Variants in SERGEF observed in about 807,000 individuals in gnomAD.
SERGEF encodes secretion regulating guanine nucleotide exchange factor, also known as secretion-regulating guanine nucleotide exchange factor.
SERGEF carries 51 observed loss-of-function variants against 50.0 expected under a neutral mutation model. The observed-to-expected ratio is 1.02, with a 90% CI of 0.81 to 1.29. SERGEF has a LOEUF of 1.29. SERGEF is among the 50% of genes most tolerant of loss of function. The pLI is 0.00. For missense variants in SERGEF, 521 were observed against 557.0 expected (o/e 0.94, Z 0.65); for synonymous variants, 205 against 212.4 (o/e 0.97, Z 0.30).
At chr11:17,982,884 C>T (rs1340660131) in intron 8 of SERGEF, among the ~76,000 whole-genome samples, 2 of 152,076 alleles carry the variant, frequency 1.3e-5, no homozygotes, top group East Asian at 1.9e-4. Context: ...CAAGAGGACA[C>T]CGATGGAAGG....
In SERGEF at chr11:17,878,227, C is replaced by G; in HGVS notation, c.1029G>C (p.Glu343Asp). ...TGATEVSCGSEHNLAIIGGVC... is the reference protein window; with the variant it reads ...TGATEVSCGSDHNLAIIGGVC... ...ACTTACCAATTATTGCCAAATTATG[C>G]TCTGAGCCACAAGAGACCTGTAAAA... Residue 343 changes from glutamate to aspartate, a missense_variant, in exon 10 of 11, where the codon GAG becomes GAC. By Grantham distance (45) the Glu-to-Asp change is conservative. Transcript: ENST00000265965. 6 of 1,579,140 alleles carry G rather than the reference C, an allele frequency of 3.8e-6. No homozygotes were observed. Among genetic ancestry groups the G allele is most frequent in the Non-Finnish European group, 5.2e-6 (6 of 1,154,890 alleles).
At chr11:17,813,080 C>G (rs367759339) in intron 10 of SERGEF, among the ~76,000 whole-genome samples, 6 of 152,342 alleles carry the variant, frequency 3.9e-5, no homozygotes, top group Non-Finnish European at 2.9e-5. Context: ...ATCCTGGATT[C>G]AGTCCCAGCC....
At chr11:17,913,756 C>G (rs1192802630) in intron 9 of SERGEF, among the ~76,000 whole-genome samples, 1 of 152,150 alleles carries the variant, frequency 6.6e-6, no homozygotes, top group Non-Finnish European at 1.5e-5. Flanking sequence ...GAAAAGAGAC[C>G]TGTGGCTGCA....
chr11:17,977,423 T>A (rs1158468623), intron 8 of SERGEF, among the ~76,000 whole-genome samples: 2 of 152,064 alleles, frequency 1.3e-5, no homozygotes, highest in African/African-American at 2.4e-5. Context: ...GGGAAAGGTA[T>A]TTAACCATTT....
chr11:18,007,238 C>A (rs1012693129), intron 2 of SERGEF, among the ~76,000 whole-genome samples: 3 of 152,144 alleles, frequency 2.0e-5, no homozygotes, highest in Admixed American at 6.5e-5. Context: ...TTTATACCAA[C>A]ACAGTTGTAA....
intron 10 of SERGEF, chr11:17,853,684 T>G (rs1455720280): frequency 6.6e-6 from 1 of 152,094 alleles, no homozygotes; most frequent in Non-Finnish European, 1.5e-5. Flanking sequence ...CTAAGGTGAG[T>G]TCGTCCCTAT....
intron 8 of SERGEF, among the ~76,000 whole-genome samples, chr11:17,987,878 A>G (rs985617576): frequency 6.6e-6 from 1 of 152,198 alleles, no homozygotes; most frequent in Admixed American, 6.5e-5. Flanking sequence ...TGACATGATA[A>G]CAGATCTTGG....
intron 8 of SERGEF, among the ~76,000 whole-genome samples, chr11:17,980,880 A>T (rs1411145336): frequency 6.6e-6 from 1 of 152,224 alleles, no homozygotes; most frequent in African/African-American, 2.4e-5. Context: ...TTTTTATAGG[A>T]TAGAATTTCA....
At chr11:17,870,287 T>C (rs892927792) in intron 10 of SERGEF, among the ~76,000 whole-genome samples, 2 of 152,320 alleles carry the variant, frequency 1.3e-5, no homozygotes, top group Non-Finnish European at 2.9e-5. Context: ...AATGTACTAA[T>C]ACAGGGAGAT....
chr11:17,948,987 C>A (rs1852722596), intron 9 of SERGEF, among the ~76,000 whole-genome samples: 1 of 152,190 alleles, frequency 6.6e-6, no homozygotes, highest in Non-Finnish European at 1.5e-5. Context: ...AGTGTCCCCA[C>A]AGACAGAACC....
intron 10 of SERGEF, among the ~76,000 whole-genome samples, chr11:17,845,896 G>A (rs1324168086): frequency 4.6e-5 from 7 of 152,200 alleles, no homozygotes; most frequent in Non-Finnish European, 1.0e-4. Flanking sequence ...ATTAAGTTCT[G>A]GAAGGGCAGG....
intron 9 of SERGEF, among the ~76,000 whole-genome samples, chr11:17,929,778 A>G (rs2133946543): frequency 1.3e-5 from 2 of 152,266 alleles, no homozygotes; most frequent in Admixed American, 1.3e-4. Context: ...TTCCTCTTCC[A>G]AGAGGTCTTG....
chr11:17,972,886 C>T (rs1375024336), intron 8 of SERGEF, among the ~76,000 whole-genome samples: 1 of 152,082 alleles, frequency 6.6e-6, no homozygotes, highest in Non-Finnish European at 1.5e-5. Flanking sequence ...TCCCTTTCTC[C>T]ATCTCCTCCA....
intron 10 of SERGEF, among the ~76,000 whole-genome samples, chr11:17,822,309 G>A (rs149838260): frequency 1.7e-3 from 259 of 152,250 alleles, no homozygotes; most frequent in Non-Finnish European, 3.0e-3. Flanking sequence ...TGCATTCTCC[G>A]TATCACAGGC....
intron 10 of SERGEF, among the ~76,000 whole-genome samples, chr11:17,876,471 A>G (rs1851237189): frequency 6.6e-6 from 1 of 152,264 alleles, no homozygotes; most frequent in African/African-American, 2.4e-5. Flanking sequence ...AGAGAAACCA[A>G]AGGAATTTAT....
chr11:17,846,423 T>A (rs538730879), intron 10 of SERGEF: 1 of 289,210 alleles, frequency 3.5e-6, no homozygotes, highest in Non-Finnish European at 6.9e-6. Context: ...GGCAGCAGTA[T>A]GTAGAGATGT....
chr11:17,808,464 C>G (rs2133832484), intron 10 of SERGEF, among the ~76,000 whole-genome samples: 1 of 152,292 alleles, frequency 6.6e-6, no homozygotes, highest in South Asian at 2.1e-4. Context: ...CACACATGAA[C>G]TCAGAAAGAG....
At position 17,802,905 on chromosome 11, in the gene SERGEF, C is replaced by A. The variant is rs554298839; in HGVS notation, c.1049-14492G>T. On this transcript the variant is annotated intron_variant, in intron 10 of 10. Coordinates refer to ENST00000265965, the MANE Select transcript of SERGEF (RefSeq NM_012139.4). ...ATACTTTTGTTTGTCTGTTTCCCCA[C>A]CAGAATGAAAAGCTCTATGAGAGCA... Among the ~76,000 whole-genome samples, 89 of 152,360 alleles carry A rather than the reference C, an allele frequency of 5.8e-4. 1 individual carries two copies. Among genetic ancestry groups the A allele is most frequent in the Middle Eastern group, 3.4e-3 (1 of 294 alleles).
chr11:17,916,259 A>C (rs1852046854), intron 9 of SERGEF, among the ~76,000 whole-genome samples: 1 of 152,198 alleles, frequency 6.6e-6, no homozygotes, highest in African/African-American at 2.4e-5. Context: ...AATGTTCAAA[A>C]TGAGGACTCT....
Sources: allele counts gnomAD v4.1 joint callset (sites outside exome capture counted in the v4.1 genomes callset), GRCh38; gene constraint gnomAD v4.1.1; transcripts MANE v1.5; gene names NCBI Gene and HGNC (gene_info 2026-07-23, HGNC 2026-07-21).